The following ADIPOR2 variants were observed in gnomAD, a reference collection of about 807,000 sequenced individuals.
ADIPOR2 encodes the protein adiponectin receptor protein 2.
Under a neutral mutation model 40.9 loss-of-function variants are expected in ADIPOR2, and 18 were observed. That is an observed-to-expected ratio of 0.44 (90% CI 0.30 to 0.65). The LOEUF (loss-of-function observed/expected upper bound fraction) is 0.65. ADIPOR2 is among the 30% of genes least tolerant of loss of function. The pLI is 0.09. For synonymous variants in ADIPOR2, 165 were observed against 166.4 expected (o/e 0.99, Z 0.06); for missense variants, 283 against 479.2 (o/e 0.59, Z 3.82).
At chr12:1,709,830 T>A (rs2094672553) in intron 1 of ADIPOR2, among the ~76,000 whole-genome samples, 1 of 152,226 alleles carries the variant, frequency 6.6e-6, no homozygotes, top group African/African-American at 2.4e-5. Flanking sequence ...CATTTTGGCC[T>A]ACAAGAATGT....
In ADIPOR2 at chr12:1,748,341, C is replaced by T. The variant is rs186821542; in HGVS notation, c.-86-5917C>T. 4.1e-3 allele frequency among the ~76,000 whole-genome samples: 626 copies of T among 152,098 alleles called. 5 individuals are homozygous for T. Among genetic ancestry groups the T allele is most frequent in the South Asian group, 0.029 (140 of 4,810 alleles). On this transcript the variant is annotated intron_variant, in intron 1 of 7. Coordinates refer to ENST00000357103, the MANE Select transcript of ADIPOR2 (RefSeq NM_024551.3). Reference sequence around the variant, plus strand: ...TCGGCTCACTGCAAACTCCGCCTCCCGGGTTCACGCCATTCTCCTGCCTCA... The same window carrying T: ...TCGGCTCACTGCAAACTCCGCCTCCTGGGTTCACGCCATTCTCCTGCCTCA...
rs375127265 is a variant in ADIPOR2 at position 1,725,683 on chromosome 12, C to A, written c.-86-28575C>A. Among the ~76,000 whole-genome samples, 30 of 152,112 alleles carry A rather than the reference C, an allele frequency of 2.0e-4. 2 individuals are homozygous for A. The South Asian group carries it at 6.2e-3, about 32-fold the overall frequency. ...AGGCAATGTTCTAGAGACCAGCAGT[C>A]CAGCAATGAACTAAACAAAATGAAC... On this transcript the variant is annotated intron_variant, in intron 1 of 7. Coordinates refer to ENST00000357103, the MANE Select transcript of ADIPOR2 (RefSeq NM_024551.3).
Position 1,714,464 on chromosome 12 carries a change from G to A in ADIPOR2, c.-87+23273G>A, listed in dbSNP as rs573497669. Among the ~76,000 whole-genome samples, 33 of 152,152 alleles carry A rather than the reference G, an allele frequency of 2.2e-4. No homozygotes were observed. In the South Asian group the frequency reaches 5.6e-3, roughly 26 times the overall value. On this transcript the variant is annotated intron_variant, in intron 1 of 7. Coordinates refer to ENST00000357103, the MANE Select transcript of ADIPOR2 (RefSeq NM_024551.3). ...GGATCAATTGACCCTCGAGTGAGTC[G>A]GGTAACAGGGAAGTATATTTTCTTA... is the stretch of plus-strand genomic sequence containing the variant.
intron 2 of ADIPOR2, among the ~76,000 whole-genome samples, chr12:1,764,475 A>G (rs2154443884): frequency 6.6e-6 from 1 of 152,006 alleles, no homozygotes; most frequent in East Asian, 1.9e-4. Flanking sequence ...TGTATCCCTG[A>G]TCTCTTCTGT....
At chr12:1,762,711 T>C (rs1862295423) in intron 2 of ADIPOR2, among the ~76,000 whole-genome samples, 1 of 152,194 alleles carries the variant, frequency 6.6e-6, no homozygotes, top group African/African-American at 2.4e-5. Context: ...CATTTGAATA[T>C]GTTATTCGTT....
At chr12:1,728,967 T>G (rs2094713941) in intron 1 of ADIPOR2, among the ~76,000 whole-genome samples, 1 of 150,878 alleles carries the variant, frequency 6.6e-6, no homozygotes, top group Non-Finnish European at 1.5e-5. Flanking sequence ...TGTTTTTTTT[T>G]TTTTTTTTTT....
At chr12:1,760,030 AAAACAAAAC>A (rs980379604) in intron 2 of ADIPOR2, among the ~76,000 whole-genome samples, 10 of 152,048 alleles carry the variant, frequency 6.6e-5, no homozygotes, top group African/African-American at 1.9e-4. Flanking sequence ...TGTCTCGGGG[AAAACAAAAC>A]AAACAAAACA....
chr12:1,739,255 A>G (rs572429963), intron 1 of ADIPOR2, among the ~76,000 whole-genome samples: 2 of 152,288 alleles, frequency 1.3e-5, no homozygotes, highest in Admixed American at 6.5e-5. Flanking sequence ...ACACAAGTAA[A>G]TAAGAAACAA....
intron 1 of ADIPOR2, among the ~76,000 whole-genome samples, chr12:1,694,890 G>A (rs543752416): frequency 2.0e-5 from 3 of 149,268 alleles, no homozygotes; most frequent in South Asian, 2.1e-4. Flanking sequence ...CCCTTCCCTC[G>A]TTTCTCCTAT....
In ADIPOR2 at chr12:1,720,825, A is replaced by G. The variant is rs1375367804; in HGVS notation, c.-87+29634A>G. 2.0e-5 allele frequency among the ~76,000 whole-genome samples: 3 copies of G among 152,310 alleles called. No homozygotes were observed. In the East Asian group the frequency reaches 5.8e-4, roughly 29 times the overall value. On this transcript the variant is annotated intron_variant, in intron 1 of 7. Transcript: ENST00000357103. Reference sequence around the variant, plus strand: ...AAATCTTGGGGCCCTCAATCCCTAAACTAAAGGAAAAAGTCAAGTGGGGAA... The same window carrying G: ...AAATCTTGGGGCCCTCAATCCCTAAGCTAAAGGAAAAAGTCAAGTGGGGAA...
chr12:1,737,544 G>A (rs1046626339), intron 1 of ADIPOR2, among the ~76,000 whole-genome samples: 1 of 152,114 alleles, frequency 6.6e-6, no homozygotes, highest in South Asian at 2.1e-4. Context: ...ACACCAGTGA[G>A]TTGTTTGCTA....
At chr12:1,706,243 C>T (rs765085692) in intron 1 of ADIPOR2, among the ~76,000 whole-genome samples, 1 of 152,136 alleles carries the variant, frequency 6.6e-6, no homozygotes, top group Non-Finnish European at 1.5e-5. Context: ...ATAATGTTAC[C>T]TATGTAACAG....
Position 1,785,988 on chromosome 12 carries a change from T to A in ADIPOR2, c.1077T>A (p.Ala359=). Residue 359 remains alanine, a synonymous_variant, in exon 8 of 8, where the codon GCT becomes GCA. Coordinates refer to ENST00000357103, the MANE Select transcript of ADIPOR2 (RefSeq NM_024551.3). ...TTCATATCTTTGTGGTTGCTGGAGC[T>A]TTTGTTCACTTCCATGGTGTCTCAA... ...QLFHIFVVAG[A]FVHFHGVSNL... The A allele has an allele frequency of 6.2e-7, 1 of 1,614,236 alleles. No homozygotes were observed. Among genetic ancestry groups the A allele is most frequent in the Non-Finnish European group, 8.5e-7 (1 of 1,180,036 alleles).
At chr12:1,726,938 C>G (rs1190376428) in intron 1 of ADIPOR2, among the ~76,000 whole-genome samples, 2 of 152,174 alleles carry the variant, frequency 1.3e-5, no homozygotes, top group Non-Finnish European at 2.9e-5. Flanking sequence ...AGGAAAAACC[C>G]TGAGTCGTCA....
chr12:1,716,645 T>C (rs1056475639), intron 1 of ADIPOR2, among the ~76,000 whole-genome samples: 3 of 152,356 alleles, frequency 2.0e-5, no homozygotes, highest in East Asian at 3.9e-4. Context: ...TCAGCACTTA[T>C]GTGTGATGCA....
At chr12:1,694,899 A>G (rs955679617) in intron 1 of ADIPOR2, among the ~76,000 whole-genome samples, 10 of 151,688 alleles carry the variant, frequency 6.6e-5, no homozygotes, top group Non-Finnish European at 1.2e-4. Flanking sequence ...CGTTTCTCCT[A>G]TTGCAAACAT....
At position 1,781,050 on chromosome 12, in the gene ADIPOR2, C is replaced by A. The variant is rs1429814091; in HGVS notation, c.812C>A (p.Thr271Asn). 1.2e-6 allele frequency: 2 copies of A among 1,610,494 alleles called. No homozygotes were observed. Among genetic ancestry groups the A allele is most frequent in the African/African-American group, 2.7e-5 (2 of 74,790 alleles). Residue 271 changes from threonine (T) to asparagine (N), a missense_variant, in exon 6 of 8, where the codon ACC becomes AAC. Coordinates refer to ENST00000357103, the MANE Select transcript of ADIPOR2 (RefSeq NM_024551.3). ...IIVSQWDMFA[T>N]PQYRGVRAGV... ...GTCTCCCAGTGGGACATGTTTGCCA[C>A]CCCTCAGTATCGGGGAGTAAGAGCA... is the stretch of plus-strand genomic sequence containing the variant.
At chr12:1,783,090 C>T (rs1429579179) in intron 6 of ADIPOR2, among the ~76,000 whole-genome samples, 1 of 149,906 alleles carries the variant, frequency 6.7e-6, no homozygotes, top group Non-Finnish European at 1.5e-5. Context: ...GCCTCGGCCT[C>T]CCAAAGTGCT....
intron 1 of ADIPOR2, among the ~76,000 whole-genome samples, chr12:1,744,480 C>T (rs944529655): frequency 7.2e-5 from 11 of 151,776 alleles, no homozygotes; most frequent in African/African-American, 9.7e-5. Flanking sequence ...GAACTATAGG[C>T]GCGTACCGCC....
Sources: allele counts gnomAD v4.1 joint callset (sites outside exome capture counted in the v4.1 genomes callset), GRCh38; gene constraint gnomAD v4.1.1; transcripts MANE v1.5; gene names NCBI Gene and HGNC (gene_info 2026-07-23, HGNC 2026-07-21).